CCT8: variants seen among roughly 807,000 people sequenced by gnomAD.
CCT8 encodes the protein T-complex protein 1 subunit theta.
Under a neutral mutation model 65.7 loss-of-function variants are expected in CCT8, and 10 were observed. The ratio of observed to expected loss-of-function variants is 0.15; its 90% CI spans 0.09 to 0.26. The LOEUF (loss-of-function observed/expected upper bound fraction) is 0.26. Ranked by LOEUF, CCT8 falls within the 10% of genes least tolerant of loss-of-function variation. CCT8 has a pLI of 1.00. For synonymous variants in CCT8, 199 were observed against 221.8 expected (o/e 0.90, Z 0.92); for missense variants, 568 against 669.1 (o/e 0.85, Z 1.67).
Position 29,070,355 on chromosome 21 carries a change from CAAAA to C in CCT8, c.61-22_61-19del, listed in dbSNP as rs1568915981. The C allele has an allele frequency of 1.3e-6, 2 of 1,505,356 alleles. No homozygotes were observed. The highest frequency in any genetic ancestry group is 1.8e-5 in the Admixed American group (1 of 55,532). 93.2% of individuals were successfully genotyped at this position (1,505,356 alleles called of 1,614,324 possible). A position where few individuals can be genotyped will look rare whatever the true frequency, so the allele number is the denominator to read the frequency against. ...GAAAAGTGCTGTTAAAAAAAACAAA[CAAAA>C]AACCCCGCTAATTAGACAGGACAGT... On this transcript the variant is annotated intron_variant, in intron 1 of 14. Coordinates refer to ENST00000286788, the MANE Select transcript of CCT8 (RefSeq NM_006585.4).
chr21:29,065,169 G>C (rs769749225), intron 6 of CCT8, 64 bp from the exon 7 acceptor site: 256 of 1,522,178 alleles, frequency 1.7e-4, no homozygotes, highest in Non-Finnish European at 2.3e-4. Flanking sequence ...TCAAACTGTT[G>C]ATTCTCCATA....
At chr21:29,058,344 TGCA>T (rs1034363343) in intron 14 of CCT8, among the ~76,000 whole-genome samples, 2 of 151,678 alleles carry the variant, frequency 1.3e-5, no homozygotes, top group African/African-American at 4.8e-5. Flanking sequence ...GGGAGGCTGA[TGCA>T]GCAGAATTGC....
intron 14 of CCT8, among the ~76,000 whole-genome samples, chr21:29,057,234 C>T (rs1472937643): frequency 4.7e-5 from 7 of 150,304 alleles, no homozygotes; most frequent in Middle Eastern, 3.5e-3. Flanking sequence ...TGCAGTGGCG[C>T]GATCTTGGCT....
chr21:29,061,037 A>T (rs2085557384), intron 13 of CCT8, among the ~76,000 whole-genome samples: 1 of 152,222 alleles, frequency 6.6e-6, no homozygotes, highest in South Asian at 2.1e-4. Flanking sequence ...TGGATACAGA[A>T]CTGGGCTGAC....
chr21:29,072,609 A>G (rs2085694214), intron 1 of CCT8, among the ~76,000 whole-genome samples: 1 of 152,212 alleles, frequency 6.6e-6, no homozygotes, highest in African/African-American at 2.4e-5. Context: ...TGCATCCTAC[A>G]AACATGAACC....
At chr21:29,059,243 T>C (rs73901173) in intron 14 of CCT8, among the ~76,000 whole-genome samples, 3,177 of 152,300 alleles carry the variant, frequency 0.021, 114 homozygotes, top group African/African-American at 0.072. Context: ...ATATATACTA[T>C]ACAAATTTAG....
At chr21:29,065,879 G>C (rs746625790) in intron 6 of CCT8, among the ~76,000 whole-genome samples, 4 of 151,948 alleles carry the variant, frequency 2.6e-5, no homozygotes, top group Non-Finnish European at 5.9e-5. Context: ...TCAGGAGTTC[G>C]AGACCAGCCT....
intron 14 of CCT8, chr21:29,059,878 A>C (rs1464966819): frequency 6.6e-6 from 1 of 152,222 alleles, no homozygotes; most frequent in Non-Finnish European, 1.5e-5. Flanking sequence ...TTAATATGAC[A>C]TATGACTTTT....
intron 8 of CCT8, 179 bp from the exon 9 acceptor site, chr21:29,062,735 T>G (rs568678994): frequency 1.6e-6 from 1 of 610,708 alleles, no homozygotes; most frequent in South Asian, 2.0e-5. Context: ...GATTCCTGAC[T>G]CTCTGAGTGA....
intron 7 of CCT8, among the ~76,000 whole-genome samples, chr21:29,064,409 T>TAAAAAAAAAAAAAAA (rs34760776): frequency 1.5e-3 from 39 of 26,720 alleles, no homozygotes; most frequent in Admixed American, 3.0e-3. Flanking sequence ...AGCAAGACTC[T>TAAAAAAAAAAAAAAA]AAAAAAAAAA....
In CCT8 at chr21:29,066,959, C is replaced by T. The variant is rs145895598; in HGVS notation, c.494G>A (p.Arg165His). Residue 165 changes from arginine to histidine, a missense_variant, in exon 5 of 15, where the codon CGT becomes CAT. By Grantham distance (29) the Arg-to-His change is conservative. Transcript: ENST00000286788. ...ATATTGTTTACTCATTATGGAGGTACGAAGTAGAGATGAGACTTCATCAAT... is the reference window on the plus strand; with the variant it reads ...ATATTGTTTACTCATTATGGAGGTATGAAGTAGAGATGAGACTTCATCAAT... ...RDIDEVSSLL[R>H]TSIMSKQYGN... 9 of 1,613,090 alleles carry T rather than the reference C, an allele frequency of 5.6e-6. No homozygotes were observed. Among genetic ancestry groups the T allele is most frequent in the South Asian group, 3.3e-5 (3 of 91,056 alleles).
chr21:29,069,961 T>C (rs2085663639), intron 2 of CCT8, among the ~76,000 whole-genome samples: 1 of 152,210 alleles, frequency 6.6e-6, no homozygotes, highest in Admixed American at 6.5e-5. Flanking sequence ...CACTTTTATA[T>C]TTAGTGTTTG....
At chr21:29,064,930 A>T in intron 7 of CCT8, 38 bp downstream of exon 7, 1 of 1,595,234 alleles carries the variant, frequency 6.3e-7, no homozygotes, top group Non-Finnish European at 8.6e-7. Flanking sequence ...TGAAAGTGCA[A>T]CCCCAATTAT....
chr21:29,061,683 T>C, intron 11 of CCT8, 116 bp from the exon 12 acceptor site: 1 of 1,033,520 alleles, frequency 9.7e-7, no homozygotes, highest in East Asian at 2.5e-5. Context: ...GGAGTTTTTA[T>C]CAGTCATTGT....
At chr21:29,063,058 C>G (rs2085581692) in intron 8 of CCT8, among the ~76,000 whole-genome samples, 1 of 152,196 alleles carries the variant, frequency 6.6e-6, no homozygotes, top group Non-Finnish European at 1.5e-5. Context: ...ACTCCATACT[C>G]TGATAGGCAA....
chr21:29,060,210 T>A (rs900815221), intron 14 of CCT8: 1 of 171,656 alleles, frequency 5.8e-6, no homozygotes, highest in African/African-American at 2.4e-5. Flanking sequence ...TGCAGACAGC[T>A]AGAGACTCCA....
At chr21:29,062,468 T>C in intron 9 of CCT8, 22 bp downstream of exon 9, 2 of 1,613,030 alleles carry the variant, frequency 1.2e-6, no homozygotes, top group Non-Finnish European at 1.7e-6. Context: ...AACTATCTTT[T>C]AGTGTTTTCC....
intron 14 of CCT8, chr21:29,058,002 G>C (rs1430558715): frequency 6.6e-6 from 1 of 151,808 alleles, no homozygotes; most frequent in Admixed American, 6.6e-5. Flanking sequence ...CTGGGTGATA[G>C]AGTAAGACCT....
At position 29,070,258 on chromosome 21, in the gene CCT8, T is replaced by C. The variant is rs754868575; in HGVS notation, c.140A>G (p.Tyr47Cys). ...AATTTAGAAATTACCATTTGGTCCA[T>C]ATGCTGTACGAGTGGTTTGGGCAAG... Reference protein sequence around the residue: ...KELAQTTRTAYGPNGMNKMVI... With the variant: ...KELAQTTRTACGPNGMNKMVI... The change falls in exon 2 of 15, where the codon TAT becomes TGT. Residue 47 changes from tyrosine (Y) to cysteine (C), a missense_variant. Physicochemically the swap from Tyr to Cys is radical, Grantham distance 194. Coordinates refer to ENST00000286788, the MANE Select transcript of CCT8 (RefSeq NM_006585.4). 3 of 1,596,262 alleles carry C rather than the reference T, an allele frequency of 1.9e-6. No individual in the cohort carries two copies. Among genetic ancestry groups the C allele is most frequent in the Non-Finnish European group, 1.7e-6 (2 of 1,164,710 alleles).
Sources: allele counts gnomAD v4.1 joint callset (sites outside exome capture counted in the v4.1 genomes callset), GRCh38; gene constraint gnomAD v4.1.1; transcripts MANE v1.5; gene names NCBI Gene and HGNC (gene_info 2026-07-23, HGNC 2026-07-21).